PCDHGB3: variants seen among roughly 807,000 people sequenced by gnomAD.
The protein encoded by PCDHGB3 is protocadherin gamma-B3.
Under a neutral mutation model 59.2 loss-of-function variants are expected in PCDHGB3, and 40 were observed. That is an observed-to-expected ratio of 0.68 (90% CI 0.52 to 0.88). The LOEUF is 0.88. Ranked by LOEUF, PCDHGB3 falls within the 40% of genes least tolerant of loss-of-function variation. The pLI, the probability that PCDHGB3 is intolerant of heterozygous loss-of-function variation, is 0.00. For synonymous variants in PCDHGB3, 581 were observed against 503.6 expected (o/e 1.15, Z -2.06); for missense variants, 1,309 against 1,187.9 (o/e 1.10, Z -1.50).
intron 1 of PCDHGB3, chr5:141,410,113 A>G (rs760617436): frequency 3.4e-5 from 55 of 1,612,436 alleles, no homozygotes; most frequent in Non-Finnish European, 4.6e-5. Flanking sequence ...ACAGGGACGC[A>G]GCCCGCCAGC....
chr5:141,462,036 G>A (rs760555655), intron 1 of PCDHGB3, among the ~76,000 whole-genome samples: 5 of 151,978 alleles, frequency 3.3e-5, no homozygotes, highest in African/African-American at 7.3e-5. Flanking sequence ...TTGGTCAGGC[G>A]GGTCTTGAAC....
At chr5:141,405,261 T>A (rs1445565178) in intron 1 of PCDHGB3, 1 of 1,613,852 alleles carries the variant, frequency 6.2e-7, no homozygotes, top group South Asian at 1.1e-5. Context: ...CACCTGATCT[T>A]CCCCCAGCCC....
chr5:141,388,662 A>T, intron 1 of PCDHGB3: 1 of 1,613,954 alleles, frequency 6.2e-7, no homozygotes, highest in Non-Finnish European at 8.5e-7. Flanking sequence ...CCCGGGGACC[A>T]CGGTGCTACA....
At chr5:141,387,386 A>G (rs1451460616) in intron 1 of PCDHGB3, among the ~76,000 whole-genome samples, 14 of 152,232 alleles carry the variant, frequency 9.2e-5, no homozygotes, top group Non-Finnish European at 1.5e-5. Flanking sequence ...TTATATAGAT[A>G]GTGCATGTTT....
At chr5:141,422,272 A>G in intron 1 of PCDHGB3, 1 of 1,561,362 alleles carries the variant, frequency 6.4e-7, no homozygotes, top group Non-Finnish European at 8.6e-7. Context: ...TCCAGAAATA[A>G]CTATCACCTC....
At position 141,489,084 on chromosome 5, in the gene PCDHGB3, C is replaced by CCGG; in HGVS notation, c.2416-5723_2416-5722insCGG. ...CTCCCCCCTGCCCACCCCCGCCACT[C>CCGG]GGTGACTAAGAACTGCTGCAAGCAG... On this transcript the variant is annotated intron_variant, in intron 1 of 3. Coordinates refer to ENST00000576222, the MANE Select transcript of PCDHGB3 (RefSeq NM_018924.5). This position sits in a 1 kb window ranked among gnomAD's most constrained non-coding sequence, Gnocchi z 4.5. The CCGG allele has an allele frequency of 3.0e-6, 1 of 329,134 alleles. No homozygotes were observed. The highest frequency in any genetic ancestry group is 2.5e-5 in the African/African-American group (1 of 40,384). 20.4% of individuals were successfully genotyped at this position (329,134 alleles called of 1,614,324 possible). A position where few individuals can be genotyped will look rare whatever the true frequency, so the allele number is the denominator to read the frequency against.
chr5:141,456,975 A>T (rs1240583336), intron 1 of PCDHGB3, among the ~76,000 whole-genome samples: 1 of 152,178 alleles, frequency 6.6e-6, no homozygotes, highest in East Asian at 1.9e-4. Flanking sequence ...AACAAAACAA[A>T]CAAACAAACA....
chr5:141,401,171 G>T (rs1222326375), intron 1 of PCDHGB3, among the ~76,000 whole-genome samples: 1 of 152,054 alleles, frequency 6.6e-6, no homozygotes, highest in African/African-American at 2.4e-5. Flanking sequence ...GTGAAAACCC[G>T]TCTCTACTAA....
chr5:141,416,378 A>C (rs2096019434), intron 1 of PCDHGB3: 1 of 152,230 alleles, frequency 6.6e-6, no homozygotes, highest in South Asian at 2.1e-4. Flanking sequence ...GAAATTAAGA[A>C]TATTTGGGAT....
Position 141,415,174 on chromosome 5 carries a change from G to C in PCDHGB3, c.2415+42365G>C, listed in dbSNP as rs1368688199. ...CTCCGCCACTGTCACGCTCACCGTG[G>C]CCGTGGCCGACAGCATCCCCCAAGT... On this transcript the variant is annotated intron_variant, in intron 1 of 3. Transcript: ENST00000576222. 4 of 1,613,784 alleles carry C rather than the reference G, an allele frequency of 2.5e-6. No homozygotes were observed. The African/African-American group carries it at 4.0e-5, about 16-fold the overall frequency.
chr5:141,400,044 G>C lies in PCDHGB3; in HGVS notation c.2415+27235G>C, dbSNP rs745775469. 4 of 1,613,556 alleles carry C rather than the reference G, an allele frequency of 2.5e-6. No homozygotes were observed. In the South Asian group the frequency reaches 4.4e-5, roughly 18 times the overall value. On this transcript the variant is annotated intron_variant, in intron 1 of 3. Coordinates refer to ENST00000576222, the MANE Select transcript of PCDHGB3 (RefSeq NM_018924.5). ...GGGACGCGGCCCGCCAGCGCCTGCT[G>C]GTTGCTGTGCGTGATGGTGGACAGC...
chr5:141,481,689 C>T (rs1198127143), intron 1 of PCDHGB3, among the ~76,000 whole-genome samples: 1 of 152,102 alleles, frequency 6.6e-6, no homozygotes, highest in Non-Finnish European at 1.5e-5. Context: ...CCTGGTGGCT[C>T]ACGCCTGTAA....
chr5:141,478,744 T>C, intron 1 of PCDHGB3: 1 of 1,528,172 alleles, frequency 6.5e-7, no homozygotes, highest in Non-Finnish European at 8.8e-7. Flanking sequence ...TGTGGTCCCA[T>C]TTCAGGGGGA....
intron 1 of PCDHGB3, among the ~76,000 whole-genome samples, chr5:141,484,837 T>C (rs1289449270): frequency 6.6e-6 from 1 of 151,620 alleles, no homozygotes; most frequent in Non-Finnish European, 1.5e-5. Context: ...GGCGAAAAGA[T>C]AGGCTGGGTT....
intron 1 of PCDHGB3, chr5:141,492,070 GCCGGCT>G (rs1329848558): frequency 2.1e-6 from 1 of 477,826 alleles, no homozygotes; most frequent in Non-Finnish European, 3.7e-6. Context: ...CCTCCTAGGC[GCCGGCT>G]CCGGCACGCT....
At chr5:141,484,425 A>G (rs2099596309) in intron 1 of PCDHGB3, among the ~76,000 whole-genome samples, 3 of 152,192 alleles carry the variant, frequency 2.0e-5, no homozygotes, top group African/African-American at 7.2e-5. Flanking sequence ...TACAATGAGA[A>G]CATGTACTGC....
chr5:141,370,390 G>C lies in PCDHGB3; in HGVS notation c.-5G>C. ...ATTTAGAAAGGCAAAGGCGCAGAGA[G>C]CGGGATGGGAAATAGCTCCGGATGG... is the stretch of plus-strand genomic sequence containing the variant. On this transcript the variant is annotated 5_prime_UTR_variant, in exon 1 of 4. Coordinates refer to ENST00000576222, the MANE Select transcript of PCDHGB3 (RefSeq NM_018924.5). The C allele has an allele frequency of 6.5e-7, 1 of 1,543,894 alleles. No individual in the cohort carries two copies.
rs1212771531 is a variant in PCDHGB3 at position 141,370,837 on chromosome 5, C to G, written c.443C>G (p.Thr148Ser). 6.2e-7 allele frequency: 1 copy of G among 1,614,004 alleles called. No individual in the cohort carries two copies. The highest frequency in any genetic ancestry group is 8.5e-7 in the Non-Finnish European group (1 of 1,179,844). ...TELEISELALTGATFALESAQ... is the reference protein window; with the variant it reads ...TELEISELALSGATFALESAQ... Reference sequence around the variant, plus strand: ...CTGGAAATCAGCGAACTGGCTCTCACTGGAGCCACATTTGCCCTGGAATCT... The same window carrying G: ...CTGGAAATCAGCGAACTGGCTCTCAGTGGAGCCACATTTGCCCTGGAATCT... The change falls in exon 1 of 4, where the codon ACT (threonine) becomes AGT (serine). Residue 148 changes from threonine to serine, a missense_variant. Thr to Ser is a moderately conservative substitution (Grantham distance 58, BLOSUM62 1). Transcript: ENST00000576222.
At chr5:141,412,057 T>C (rs1426056647) in intron 1 of PCDHGB3, 1 of 152,202 alleles carries the variant, frequency 6.6e-6, no homozygotes, top group Non-Finnish European at 1.5e-5. Flanking sequence ...TCTATACCCT[T>C]TGCATTTGAG....
Sources: gnomAD v4.1 joint callset for allele counts (sites outside exome capture counted in the v4.1 genomes callset) on GRCh38, gnomAD v4.1.1 for gene constraint, Gnocchi (gnomAD v3.1) non-coding constraint, MANE v1.5 for transcripts, NCBI Gene and HGNC (gene_info 2026-07-23, HGNC 2026-07-21) for gene names.